Variants in FRY observed in about 807,000 individuals in gnomAD.
FRY encodes FRY microtubule binding protein.
FRY carries 128 observed loss-of-function variants against 348.4 expected under a neutral mutation model. That is an observed-to-expected ratio of 0.37 (90% CI 0.32 to 0.43). FRY has a LOEUF of 0.43. Ranked by LOEUF, FRY falls within the 20% of genes least tolerant of loss-of-function variation. The probability of loss-of-function intolerance (pLI) is 1.00; values close to 1 mark genes in which losing one functional copy is unlikely to be tolerated. For synonymous variants in FRY, 1,370 were observed against 1,374.7 expected (o/e 1.00, Z 0.08); for missense variants, 2,736 against 3,695.2 (o/e 0.74, Z 6.73).
chr13:32,136,019 C>T lies in FRY; in HGVS notation c.1077+836C>T, dbSNP rs1879691472. Among the ~76,000 whole-genome samples the T allele has an allele frequency of 2.0e-5, 3 of 149,768 alleles. No individual in the cohort carries two copies. The South Asian group carries it at 6.3e-4, about 31-fold the overall frequency. On this transcript the variant is annotated intron_variant, in intron 10 of 60. Coordinates refer to ENST00000542859, the MANE Select transcript of FRY (RefSeq NM_023037.3). ...TCAATGGTAGCAGTAGTTCCAAGTC[C>T]CTTTAAAACTAAGTTAATTTAAAAA...
chr13:32,272,263 C>A (rs1331923028), intron 55 of FRY, among the ~76,000 whole-genome samples: 3 of 152,144 alleles, frequency 2.0e-5, no homozygotes, highest in Non-Finnish European at 2.9e-5. Context: ...TACAATGTTT[C>A]CGTGTTAGGT....
chr13:32,155,404 A>G, intron 14 of FRY, 87 bp from the exon 15 acceptor site: 1 of 926,690 alleles, frequency 1.1e-6, no homozygotes. Context: ...CATGCAATTC[A>G]GTCTTAACTA....
rs140890393 is a variant in FRY, at chr13:32,055,744, G to A, written c.71-23090G>A. On this transcript the variant is annotated intron_variant, in intron 1 of 60. Coordinates refer to ENST00000542859, the MANE Select transcript of FRY (RefSeq NM_023037.3). ...TGAGGAATTACACATATAGAACTGGGGGTACCTATAAGCTGAGTAATGGAA... is the reference window on the plus strand; with the variant it reads ...TGAGGAATTACACATATAGAACTGGAGGTACCTATAAGCTGAGTAATGGAA... Among the ~76,000 whole-genome samples the A allele has an allele frequency of 7.1e-4, 108 of 152,248 alleles. 3 individuals carry two copies. The East Asian group carries it at 0.018, about 25-fold the overall frequency.
At chr13:32,164,522 G>A (rs764866472) in intron 17 of FRY, among the ~76,000 whole-genome samples, 9 of 152,110 alleles carry the variant, frequency 5.9e-5, no homozygotes, top group Non-Finnish European at 1.3e-4. Context: ...ATATTAGTAT[G>A]TTGCACATGA....
intron 1 of FRY, among the ~76,000 whole-genome samples, chr13:32,059,438 T>C (rs972910278): frequency 1.4e-5 from 2 of 139,344 alleles, no homozygotes; most frequent in African/African-American, 2.6e-5. Flanking sequence ...TGTGCACTAC[T>C]GTCTCAGAAA....
intron 58 of FRY, among the ~76,000 whole-genome samples, chr13:32,279,297 T>A (rs548126491): frequency 1.9e-4 from 29 of 152,062 alleles, no homozygotes; most frequent in African/African-American, 6.3e-4. Flanking sequence ...TTGGCAGAGA[T>A]CTAAAATATG....
chr13:32,208,766 G>A (rs149059918), intron 31 of FRY, 87 bp from the exon 32 acceptor site: 3 of 1,482,308 alleles, frequency 2.0e-6, no homozygotes, highest in Non-Finnish European at 2.8e-6. Context: ...GTAGGACACT[G>A]TTCAGTCTGC....
intron 48 of FRY, among the ~76,000 whole-genome samples, chr13:32,249,189 G>T (rs897499363): frequency 6.6e-6 from 1 of 152,190 alleles, no homozygotes; most frequent in African/African-American, 2.4e-5. Context: ...TTGGTCTCTT[G>T]TTCTAACTAT....
chr13:32,098,057 G>A (rs918596891), intron 2 of FRY, among the ~76,000 whole-genome samples: 4 of 151,958 alleles, frequency 2.6e-5, no homozygotes, highest in East Asian at 1.9e-4. Flanking sequence ...TGGCAAATGC[G>A]TAGCCAGCAC....
intron 58 of FRY, among the ~76,000 whole-genome samples, chr13:32,280,421 G>A (rs1389634030): frequency 6.6e-6 from 1 of 152,104 alleles, no homozygotes; most frequent in East Asian, 1.9e-4. Flanking sequence ...TGTGCCGTTA[G>A]CATATCCCAG....
intron 16 of FRY, 68 bp from the exon 17 acceptor site, chr13:32,161,076 C>T (rs1881418545): frequency 9.8e-7 from 1 of 1,021,548 alleles, no homozygotes. Context: ...TGTTCATGCA[C>T]TTAATTCATT....
chr13:32,078,850 C>T lies in FRY; in HGVS notation c.87C>T (p.Asn29=), dbSNP rs771608246. 4.3e-6 allele frequency: 7 copies of T among 1,613,864 alleles called. No homozygotes were observed. The highest frequency in any genetic ancestry group is 2.2e-5 in the East Asian group (1 of 44,884). ...GTTTTTCAGCTTCTCCCGTTGGCAACGGTTACATCAAGCCTCCGGTTCCAC... is the reference window on the plus strand; with the variant it reads ...GTTTTTCAGCTTCTCCCGTTGGCAATGGTTACATCAAGCCTCCGGTTCCAC... The part of the protein sequence containing the change: ...KSWSNTSPVG[N]GYIKPPVPPA... The change falls in exon 2 of 61, where the codon AAC becomes AAT. Residue 29 remains asparagine (N), a synonymous_variant. Transcript: ENST00000542859.
At chr13:32,103,407 C>G in intron 3 of FRY, among the ~76,000 whole-genome samples, 1 of 152,038 alleles carries the variant, frequency 6.6e-6, no homozygotes, top group East Asian at 1.9e-4. Context: ...ATCACAAGGA[C>G]AAAAAACCAA....
chr13:32,137,790 A>G (rs1335200386), intron 11 of FRY, among the ~76,000 whole-genome samples: 2 of 152,212 alleles, frequency 1.3e-5, no homozygotes, highest in African/African-American at 2.4e-5. Context: ...TTTTAAGAAT[A>G]TAGTTAGTTA....
At chr13:32,207,718 T>TA (rs971090526) in intron 31 of FRY, among the ~76,000 whole-genome samples, 5 of 152,186 alleles carry the variant, frequency 3.3e-5, no homozygotes, top group African/African-American at 1.2e-4. Flanking sequence ...GTCTCCAAAA[T>TA]AAAAAATTAT....
At chr13:32,154,332 T>G (rs890000103) in intron 14 of FRY, among the ~76,000 whole-genome samples, 1 of 152,330 alleles carries the variant, frequency 6.6e-6, no homozygotes, top group South Asian at 2.1e-4. Context: ...AAAGTACACA[T>G]TGAATTGCTT....
intron 55 of FRY, among the ~76,000 whole-genome samples, chr13:32,268,109 A>T (rs1888009180): frequency 6.6e-6 from 1 of 152,108 alleles, no homozygotes; most frequent in South Asian, 2.1e-4. Context: ...TCTTGCACAC[A>T]GCTCTCTGTG....
At chr13:32,173,941 T>G (rs994219976) in intron 19 of FRY, among the ~76,000 whole-genome samples, 1 of 152,226 alleles carries the variant, frequency 6.6e-6, no homozygotes, top group Admixed American at 6.5e-5. Flanking sequence ...ACCAAAGAGT[T>G]TGGCAAATTG....
intron 35 of FRY, among the ~76,000 whole-genome samples, chr13:32,213,020 A>G (rs977971484): frequency 1.3e-5 from 2 of 152,176 alleles, no homozygotes; most frequent in African/African-American, 4.8e-5. Flanking sequence ...AACAAAACTC[A>G]ATTTAAAAAA....
Sources: allele counts gnomAD v4.1 joint callset (sites outside exome capture counted in the v4.1 genomes callset), GRCh38; gene constraint gnomAD v4.1.1; transcripts MANE v1.5; gene names NCBI Gene and HGNC (gene_info 2026-07-23, HGNC 2026-07-21).